Variants in TMEM131 observed in about 807,000 individuals in gnomAD.
TMEM131 encodes transmembrane protein 131, also known as 2610524E03Rik.
In TMEM131, 66 loss-of-function variants were observed where a neutral mutation model predicts 211.6. The ratio of observed to expected loss-of-function variants is 0.31; its 90% CI spans 0.26 to 0.38. TMEM131 has a LOEUF of 0.38. TMEM131 is among the 10% of genes least tolerant of loss of function. TMEM131 has a pLI of 1.00. For synonymous variants in TMEM131, 844 were observed against 841.3 expected, an observed-to-expected ratio of 1.00 and a Z score of -0.06; for missense variants, 2,036 against 2,299.3, an observed-to-expected ratio of 0.89 and a Z score of 2.34.
At chr2:97,929,275 A>G (rs1301492418) in intron 1 of TMEM131, among the ~76,000 whole-genome samples, 1 of 151,848 alleles carries the variant, frequency 6.6e-6, no homozygotes, top group Non-Finnish European at 1.5e-5. Flanking sequence ...AAACAATCTG[A>G]GCAACAAAAT....
chr2:97,962,646 C>T (rs1457422757), intron 1 of TMEM131, among the ~76,000 whole-genome samples: 3 of 152,186 alleles, frequency 2.0e-5, no homozygotes, highest in Non-Finnish European at 4.4e-5. Flanking sequence ...TGAAGTTAAA[C>T]ATAATCTTAC....
chr2:97,995,424 G>A (rs890649518), intron 1 of TMEM131, 52 bp downstream of exon 1: 4 of 1,310,564 alleles, frequency 3.1e-6, no homozygotes, highest in Non-Finnish European at 3.9e-6. Flanking sequence ...CCCGGCCTCC[G>A]CGAGAGCGGG....
Position 97,995,560 on chromosome 2 carries a change from G to T in TMEM131, c.103C>A (p.Pro35Thr). 1 of 1,319,836 alleles carries T rather than the reference G, an allele frequency of 7.6e-7. No homozygotes were observed. Among genetic ancestry groups the T allele is most frequent in the Non-Finnish European group, 9.7e-7 (1 of 1,033,034 alleles). The allele number at this position is 1,319,836 out of a possible 1,614,324, so 81.8% of individuals were successfully genotyped here. The change falls in exon 1 of 41, where the codon CCG becomes ACG. Residue 35 changes from proline to threonine, a missense_variant. Coordinates refer to ENST00000186436, the MANE Select transcript of TMEM131 (RefSeq NM_015348.2). ...AGGAGGCCGGCGGCCGCGCTCCGCGGGCCCCCGCTACGGGCGGCCGCAGGT... is the reference window on the plus strand; with the variant it reads ...AGGAGGCCGGCGGCCGCGCTCCGCGTGCCCCCGCTACGGGCGGCCGCAGGT... Reference protein sequence around the residue: ...LEPAAARSGGPRSAAAGLLGA... With the variant: ...LEPAAARSGGTRSAAAGLLGA...
intron 30 of TMEM131, 100 bp from the exon 31 acceptor site, chr2:97,793,084 A>C: frequency 1.1e-6 from 1 of 882,000 alleles, no homozygotes; most frequent in Non-Finnish European, 1.7e-6. Context: ...ATAAATATAA[A>C]CTACACTAGG....
chr2:97,894,920 G>C (rs747005893), intron 3 of TMEM131, among the ~76,000 whole-genome samples: 1 of 152,138 alleles, frequency 6.6e-6, no homozygotes, highest in South Asian at 2.1e-4. Flanking sequence ...GAATAGGGGT[G>C]GTGAGACAAG....
chr2:97,961,301 T>A (rs1678805178), intron 1 of TMEM131, among the ~76,000 whole-genome samples: 1 of 152,150 alleles, frequency 6.6e-6, no homozygotes, highest in Admixed American at 6.5e-5. Context: ...ACAGAACAAA[T>A]ATCCAATTGT....
intron 4 of TMEM131, among the ~76,000 whole-genome samples, chr2:97,877,400 C>A (rs949608244): frequency 1.3e-5 from 2 of 152,162 alleles, no homozygotes; most frequent in African/African-American, 4.8e-5. Context: ...ATTGCCAAGA[C>A]AATCCTGGGC....
Position 97,828,120 on chromosome 2 carries a change from T to C in TMEM131, c.1074+5245A>G, listed in dbSNP as rs555897113. 5.3e-5 allele frequency among the ~76,000 whole-genome samples: 8 copies of C among 152,276 alleles called. No individual in the cohort carries two copies. In the South Asian group the frequency reaches 1.7e-3, roughly 32 times the overall value. On this transcript the variant is annotated intron_variant, in intron 11 of 40. Transcript: ENST00000186436. ...AATATGTAGTGTACGTGCTATTGAG[T>C]TGTGAACTGGTGGGCTGTATGTAAC...
At chr2:97,923,619 C>CTT (rs1272162549) in intron 2 of TMEM131, among the ~76,000 whole-genome samples, 6 of 111,006 alleles carry the variant, frequency 5.4e-5, no homozygotes, top group African/African-American at 2.3e-4. Context: ...AAGACACTGT[C>CTT]TTTTTTTTTA....
chr2:97,986,846 C>T (rs1259585983), intron 1 of TMEM131, among the ~76,000 whole-genome samples: 2 of 152,232 alleles, frequency 1.3e-5, no homozygotes, highest in East Asian at 3.8e-4. Flanking sequence ...ACTACCCTCT[C>T]TTGTACACTG....
chr2:97,905,561 G>A (rs1412012306), intron 3 of TMEM131, among the ~76,000 whole-genome samples: 1 of 152,032 alleles, frequency 6.6e-6, no homozygotes, highest in Non-Finnish European at 1.5e-5. Flanking sequence ...TTGTTTTTTA[G>A]TCATTTTTCT....
chr2:97,830,617 C>T (rs1005638688), intron 11 of TMEM131, among the ~76,000 whole-genome samples: 2 of 152,116 alleles, frequency 1.3e-5, no homozygotes, highest in Non-Finnish European at 2.9e-5. Flanking sequence ...ATTATGATTC[C>T]GATTTGTTAA....
intron 3 of TMEM131, among the ~76,000 whole-genome samples, chr2:97,895,992 T>G (rs1347544152): frequency 1.3e-5 from 2 of 152,228 alleles, no homozygotes; most frequent in Non-Finnish European, 1.5e-5. Flanking sequence ...TGCTTTCTCT[T>G]GTGAGCATTT....
chr2:97,936,347 G>C (rs1559459262), intron 1 of TMEM131, among the ~76,000 whole-genome samples: 1 of 152,184 alleles, frequency 6.6e-6, no homozygotes, highest in Non-Finnish European at 1.5e-5. Context: ...GGCTCTGCCT[G>C]TGCTCAGAAG....
intron 33 of TMEM131, among the ~76,000 whole-genome samples, chr2:97,769,351 A>G (rs1220516230): frequency 6.6e-6 from 1 of 151,798 alleles, no homozygotes; most frequent in African/African-American, 2.4e-5. Flanking sequence ...TAATATTCTG[A>G]GATTTCGTAT....
chr2:97,808,641 A>G (rs1032088043), intron 19 of TMEM131, among the ~76,000 whole-genome samples: 2 of 152,144 alleles, frequency 1.3e-5, no homozygotes, highest in African/African-American at 4.8e-5. Flanking sequence ...TCCATACATT[A>G]TGTACTAAGT....
chr2:97,796,547 G>T (rs2104903583), intron 27 of TMEM131, 143 bp from the exon 28 acceptor site: 3 of 665,906 alleles, frequency 4.5e-6, no homozygotes, highest in Admixed American at 6.8e-5. Context: ...CTGTTCCTCA[G>T]ATTTCATCAT....
intron 29 of TMEM131, 90 bp downstream of exon 29, chr2:97,794,840 G>T: frequency 9.2e-7 from 1 of 1,089,232 alleles, no homozygotes; most frequent in Non-Finnish European, 1.3e-6. Context: ...GCATATCCTA[G>T]CACTCAGAAC....
At chr2:97,801,146 G>A (rs1333943528) in intron 25 of TMEM131, among the ~76,000 whole-genome samples, 1 of 152,180 alleles carries the variant, frequency 6.6e-6, no homozygotes, top group Non-Finnish European at 1.5e-5. Context: ...AGCAATTCCT[G>A]ATCAGCAGTG....
Sources: allele counts gnomAD v4.1 joint callset (sites outside exome capture counted in the v4.1 genomes callset), GRCh38; gene constraint gnomAD v4.1.1; transcripts MANE v1.5; gene names NCBI Gene and HGNC (gene_info 2026-07-23, HGNC 2026-07-21).